RUNDC3B: variants seen among roughly 807,000 people sequenced by gnomAD.
RUNDC3B encodes the protein RUN domain containing 3B.
A neutral mutation model predicts 58.4 loss-of-function variants in RUNDC3B; 33 were observed. The observed-to-expected ratio is 0.56, with a 90% CI of 0.43 to 0.75. The LOEUF (loss-of-function observed/expected upper bound fraction) is 0.75. RUNDC3B is among the 30% of genes least tolerant of loss of function. The pLI, the probability that RUNDC3B is intolerant of heterozygous loss-of-function variation, is 0.00. For synonymous variants in RUNDC3B, 193 were observed against 195.2 expected, an observed-to-expected ratio of 0.99 and a Z score of 0.10; for missense variants, 501 against 535.7, an observed-to-expected ratio of 0.94 and a Z score of 0.64.
chr7:87,826,200 C>A (rs1837796246), intron 10 of RUNDC3B, among the ~76,000 whole-genome samples: 1 of 151,950 alleles, frequency 6.6e-6, no homozygotes, highest in Non-Finnish European at 1.5e-5. Flanking sequence ...ATGGGAGGAA[C>A]CTGGTGGGAG....
chr7:87,666,895 G>C (rs1336701056), intron 2 of RUNDC3B, among the ~76,000 whole-genome samples: 1 of 152,094 alleles, frequency 6.6e-6, no homozygotes, highest in Non-Finnish European at 1.5e-5. Context: ...CTGTAGCCTT[G>C]TGGTATAGTT....
chr7:87,672,488 G>A (rs575555936), intron 2 of RUNDC3B, among the ~76,000 whole-genome samples: 2 of 152,318 alleles, frequency 1.3e-5, no homozygotes, highest in South Asian at 4.1e-4. Flanking sequence ...CCGTGGAAGT[G>A]GGGCCTGTAG....
At chr7:87,675,095 C>T (rs932574695) in intron 2 of RUNDC3B, among the ~76,000 whole-genome samples, 3 of 152,300 alleles carry the variant, frequency 2.0e-5, no homozygotes, top group Middle Eastern at 3.4e-3. Flanking sequence ...GAGAGCGGGC[C>T]GCTCCTCACT....
intron 4 of RUNDC3B, among the ~76,000 whole-genome samples, chr7:87,733,347 A>G (rs545924493): frequency 1.3e-5 from 2 of 152,270 alleles, no homozygotes; most frequent in Non-Finnish European, 2.9e-5. Context: ...TCCTGCATGG[A>G]ATTTTGTATT....
At chr7:87,774,919 A>G (rs1352627152) in intron 7 of RUNDC3B, among the ~76,000 whole-genome samples, 2 of 152,210 alleles carry the variant, frequency 1.3e-5, no homozygotes, top group African/African-American at 2.4e-5. Context: ...AAATAAACCT[A>G]TTGCCCTGCC....
intron 6 of RUNDC3B, among the ~76,000 whole-genome samples, chr7:87,753,997 G>A (rs1833195625): frequency 6.6e-6 from 1 of 152,174 alleles, no homozygotes; most frequent in African/African-American, 2.4e-5. Context: ...TTCCAAGAAA[G>A]CAATAGGCAG....
intron 10 of RUNDC3B, among the ~76,000 whole-genome samples, chr7:87,828,938 A>T: frequency 6.6e-6 from 1 of 152,156 alleles, no homozygotes. Flanking sequence ...ATCAGATTGT[A>T]AACCAAAATG....
At chr7:87,788,825 ATTAT>A (rs1432485415) in intron 8 of RUNDC3B, among the ~76,000 whole-genome samples, 1 of 151,666 alleles carries the variant, frequency 6.6e-6, no homozygotes, top group African/African-American at 2.4e-5. Flanking sequence ...TATTGTCATA[ATTAT>A]TTATGCTAAT....
Position 87,782,853 on chromosome 7 carries a change from A to C in RUNDC3B, c.956+4898A>C, listed in dbSNP as rs531584498. ...ATGCTTGGTATGATTTCAGGTTTTTAGAAATTTGTTTGGACTTGCTTTATG... is the reference window on the plus strand; with the variant it reads ...ATGCTTGGTATGATTTCAGGTTTTTCGAAATTTGTTTGGACTTGCTTTATG... On this transcript the variant is annotated intron_variant, in intron 8 of 10. Coordinates refer to ENST00000394654, the MANE Select transcript of RUNDC3B (RefSeq NM_001134405.2). Among the ~76,000 whole-genome samples the C allele has an allele frequency of 1.0e-3, 153 of 152,216 alleles. 1 individual carries two copies. The highest frequency in any genetic ancestry group is 9.4e-3 in the Admixed American group (144 of 15,272).
intron 10 of RUNDC3B, among the ~76,000 whole-genome samples, chr7:87,822,849 G>A (rs1837561839): frequency 6.6e-6 from 1 of 152,054 alleles, no homozygotes; most frequent in Admixed American, 6.6e-5. Context: ...GAGAACACAT[G>A]GACACAAGAA....
intron 7 of RUNDC3B, among the ~76,000 whole-genome samples, chr7:87,773,279 C>T (rs1444997480): frequency 3.4e-5 from 5 of 147,422 alleles, no homozygotes; most frequent in African/African-American, 1.0e-4. Flanking sequence ...GCGGAGATCG[C>T]GCCACTGCAC....
At chr7:87,719,882 A>G (rs1187832653) in intron 4 of RUNDC3B, among the ~76,000 whole-genome samples, 1 of 151,536 alleles carries the variant, frequency 6.6e-6, no homozygotes, top group Non-Finnish European at 1.5e-5. Context: ...TCAGGATGAG[A>G]TAAAACAGAG....
chr7:87,659,120 C>A, intron 2 of RUNDC3B: 1 of 318,348 alleles, frequency 3.1e-6, no homozygotes, highest in Non-Finnish European at 6.1e-6. Context: ...TGCCATCATG[C>A]CACTGCAATC....
chr7:87,790,423 A>T (rs1015655935), intron 8 of RUNDC3B, among the ~76,000 whole-genome samples: 2 of 152,150 alleles, frequency 1.3e-5, no homozygotes, highest in Non-Finnish European at 1.5e-5. Context: ...TTAACTCTTC[A>T]ATGCCCCAAG....
At chr7:87,770,863 T>A in intron 7 of RUNDC3B, 114 bp downstream of exon 7, 1 of 695,512 alleles carries the variant, frequency 1.4e-6, no homozygotes, top group Non-Finnish European at 2.3e-6. Context: ...CTGCTTCTCT[T>A]CTGTTTTTGA....
At position 87,754,843 on chromosome 7, in the gene RUNDC3B, A is replaced by G. The variant is rs180754372; in HGVS notation, c.629+13264A>G. Among the ~76,000 whole-genome samples, 486 of 151,822 alleles carry G rather than the reference A, an allele frequency of 3.2e-3. 4 individuals are homozygous for G. Among genetic ancestry groups the G allele is most frequent in the South Asian group, 0.023 (112 of 4,794 alleles). ...CTACAGGAGATAGATAAATTCTTTGACACACACACTTTCCCAAGACTGAAG... is the reference window on the plus strand; with the variant it reads ...CTACAGGAGATAGATAAATTCTTTGGCACACACACTTTCCCAAGACTGAAG... On this transcript the variant is annotated intron_variant, in intron 6 of 10. Coordinates refer to ENST00000394654, the MANE Select transcript of RUNDC3B (RefSeq NM_001134405.2).
intron 1 of RUNDC3B, among the ~76,000 whole-genome samples, chr7:87,643,131 T>C (rs570252841): frequency 4.3e-4 from 66 of 152,182 alleles, no homozygotes; most frequent in Non-Finnish European, 7.9e-4. Context: ...TTGCTCAAAC[T>C]CCTGACCTCA....
At chr7:87,686,126 C>CT (rs1026357579) in intron 2 of RUNDC3B, among the ~76,000 whole-genome samples, 3 of 152,086 alleles carry the variant, frequency 2.0e-5, no homozygotes, top group African/African-American at 7.2e-5. Context: ...ATACTTTCTG[C>CT]TTTTTTTGGC....
intron 6 of RUNDC3B, among the ~76,000 whole-genome samples, chr7:87,750,375 G>A (rs1224187100): frequency 2.0e-5 from 3 of 151,236 alleles, no homozygotes; most frequent in South Asian, 2.1e-4. Flanking sequence ...ATGATTTATA[G>A]TCCTTTGGGT....
Sources: gnomAD v4.1 joint callset for allele counts (sites outside exome capture counted in the v4.1 genomes callset) on GRCh38, gnomAD v4.1.1 for gene constraint, MANE v1.5 for transcripts, NCBI Gene and HGNC (gene_info 2026-07-23, HGNC 2026-07-21) for gene names.